UST: variants seen among roughly 807,000 people sequenced by gnomAD.
UST encodes chondroitin sulfate 2-O-sulfotransferase.
UST carries 21 observed loss-of-function variants against 45.6 expected under a neutral mutation model. That is an observed-to-expected ratio of 0.46 (90% CI 0.33 to 0.66). UST has a LOEUF of 0.66. Among genes scored for constraint, UST ranks in the 30% least tolerant of loss-of-function variants. The pLI, the probability that UST is intolerant of heterozygous loss-of-function variation, is 0.02. For missense variants in UST, 463 were observed against 512.4 expected, an observed-to-expected ratio of 0.90 and a Z score of 0.93; for synonymous variants, 215 against 200.6, an observed-to-expected ratio of 1.07 and a Z score of -0.61.
chr6:149,065,773 A>C (rs1776721692), intron 7 of UST, among the ~76,000 whole-genome samples: 1 of 152,222 alleles, frequency 6.6e-6, no homozygotes, highest in Non-Finnish European at 1.5e-5. Context: ...GTTGAATCTG[A>C]GTCTCTGTTT....
At chr6:148,793,343 A>G (rs770530383) in intron 1 of UST, among the ~76,000 whole-genome samples, 1 of 152,214 alleles carries the variant, frequency 6.6e-6, no homozygotes, top group African/African-American at 2.4e-5. Context: ...TACGCAAATC[A>G]TAAGTGACAG....
At chr6:148,875,086 T>C (rs1252606636) in intron 1 of UST, among the ~76,000 whole-genome samples, 7 of 152,250 alleles carry the variant, frequency 4.6e-5, no homozygotes, top group Admixed American at 4.6e-4. Context: ...GAAAAGGACC[T>C]GTGGAAGAAA....
At chr6:149,066,838 G>T (rs1776736553) in intron 7 of UST, among the ~76,000 whole-genome samples, 1 of 152,132 alleles carries the variant, frequency 6.6e-6, no homozygotes, top group African/African-American at 2.4e-5. Context: ...TACTCAGGAG[G>T]TTGAGGGGAG....
At chr6:148,780,195 C>T (rs1054350675) in intron 1 of UST, among the ~76,000 whole-genome samples, 2 of 151,960 alleles carry the variant, frequency 1.3e-5, no homozygotes, top group African/African-American at 4.8e-5. Context: ...TTGTACTTCA[C>T]AGATAATGCA....
intron 1 of UST, among the ~76,000 whole-genome samples, chr6:148,849,427 C>T (rs781371464): frequency 2.1e-4 from 32 of 152,116 alleles, no homozygotes; most frequent in Non-Finnish European, 4.4e-4. Context: ...TTTGGAAACT[C>T]CTTTTGCCAC....
chr6:148,803,729 G>A (rs1345537597), intron 1 of UST, among the ~76,000 whole-genome samples: 1 of 152,180 alleles, frequency 6.6e-6, no homozygotes, highest in African/African-American at 2.4e-5. Flanking sequence ...CAGTGTGGCT[G>A]AGGAGGCCCT....
Position 149,019,195 on chromosome 6 carries a change from T to G in UST, c.738T>G (p.Phe246Leu). ...CCGAGTGCTCCAACCCCAGGTTATT[T>G]TACATCATTCCGTACTTTTGTGGAC... ...NYPECSNPRL[F>L]YIIPYFCGQH... is the part of the protein sequence containing the mutation. Residue 246 changes from phenylalanine (F) to leucine (L), a missense_variant, in exon 6 of 8, where the codon TTT becomes TTG. Physicochemically the swap from Phe to Leu is conservative, Grantham distance 22. Around this residue, in one of 2 missense-constraint regions of UST, gnomAD observed 287 missense variants for 374.2 expected, o/e 0.77. Coordinates refer to ENST00000367463, the MANE Select transcript of UST (RefSeq NM_005715.3). 1.2e-6 allele frequency: 2 copies of G among 1,614,136 alleles called. No homozygotes were observed. The highest frequency in any genetic ancestry group is 1.7e-6 in the Non-Finnish European group (2 of 1,180,014).
In UST at chr6:149,076,090, T is replaced by G. The variant is rs1158561687; in HGVS notation, c.*1974T>G. 1 of 152,638 alleles carries G rather than the reference T, an allele frequency of 6.6e-6. No homozygotes were observed. Among genetic ancestry groups the G allele is most frequent in the Non-Finnish European group, 1.5e-5 (1 of 68,170 alleles). The allele number at this position is 152,638 out of a possible 1,614,324, so 9.5% of individuals were successfully genotyped here. Reference sequence around the variant, plus strand: ...GCCGCTCATGGGCCTTCTTTCTGCCTCAGAGGACGGGGGCAGAGAAGTGAT... The same window carrying G: ...GCCGCTCATGGGCCTTCTTTCTGCCGCAGAGGACGGGGGCAGAGAAGTGAT... On this transcript the variant is annotated 3_prime_UTR_variant, in exon 8 of 8. Coordinates refer to ENST00000367463, the MANE Select transcript of UST (RefSeq NM_005715.3).
At chr6:148,900,992 T>G (rs1343322746) in intron 2 of UST, among the ~76,000 whole-genome samples, 7 of 152,240 alleles carry the variant, frequency 4.6e-5, no homozygotes, top group Non-Finnish European at 1.0e-4. Flanking sequence ...CCTTAATTTA[T>G]CAGGACCCTT....
chr6:148,763,502 CTTTAG>C (rs1776260338), intron 1 of UST, among the ~76,000 whole-genome samples: 1 of 152,110 alleles, frequency 6.6e-6, no homozygotes. Flanking sequence ...TACAGAAGCT[CTTTAG>C]TTTAATTAAG....
intron 1 of UST, among the ~76,000 whole-genome samples, chr6:148,755,695 G>A (rs1166776939): frequency 1.3e-5 from 2 of 149,960 alleles, no homozygotes; most frequent in Non-Finnish European, 3.0e-5. Flanking sequence ...CTGGATTACT[G>A]GGGTCCAGTA....
intron 3 of UST, among the ~76,000 whole-genome samples, chr6:148,952,897 T>TC: frequency 6.6e-6 from 1 of 152,198 alleles, no homozygotes; most frequent in East Asian, 1.9e-4. Flanking sequence ...AGTTAGGGAG[T>TC]CATAAGAATG....
chr6:148,817,729 A>G (rs1777382630), intron 1 of UST, among the ~76,000 whole-genome samples: 1 of 152,172 alleles, frequency 6.6e-6, no homozygotes, highest in African/African-American at 2.4e-5. Flanking sequence ...TTCAGAGATA[A>G]TAGGTTGTAA....
intron 1 of UST, among the ~76,000 whole-genome samples, chr6:148,767,804 C>T (rs1044176693): frequency 1.2e-4 from 19 of 152,312 alleles, no homozygotes; most frequent in African/African-American, 4.6e-4. Flanking sequence ...CATGCTTCCT[C>T]CACTCTGTAG....
At chr6:148,775,747 C>A (rs1776521643) in intron 1 of UST, among the ~76,000 whole-genome samples, 1 of 152,042 alleles carries the variant, frequency 6.6e-6, no homozygotes, top group South Asian at 2.1e-4. Flanking sequence ...CCTGCCTCAG[C>A]CTCCCGAGTA....
chr6:148,811,572 C>T (rs2114730678), intron 1 of UST, among the ~76,000 whole-genome samples: 1 of 152,310 alleles, frequency 6.6e-6, no homozygotes, highest in South Asian at 2.1e-4. Context: ...TTATTTTGTT[C>T]ACAGCTTTGT....
At chr6:149,001,685 C>A (rs1001037007) in intron 5 of UST, among the ~76,000 whole-genome samples, 2 of 152,048 alleles carry the variant, frequency 1.3e-5, no homozygotes, top group South Asian at 2.1e-4. Flanking sequence ...TTACTGAGTT[C>A]ATTAAAAGCA....
chr6:148,789,426 ATCTC>A lies in UST; in HGVS notation c.247+41774_247+41777del, dbSNP rs751939500. On this transcript the variant is annotated intron_variant, in intron 1 of 7. Coordinates refer to ENST00000367463, the MANE Select transcript of UST (RefSeq NM_005715.3). ...GCAAGGATCTAGAGTTCTTGTGCAG[ATCTC>A]TCTCTCTCTCTCTCTCTCTCTCTCA... Among the ~76,000 whole-genome samples, 612 of 143,568 alleles carry A rather than the reference ATCTC, an allele frequency of 4.3e-3. 2 individuals carry two copies. The highest frequency in any genetic ancestry group is 9.8e-3 in the African/African-American group (377 of 38,544). 94.2% of individuals were successfully genotyped at this position (143,568 alleles called of 152,430 possible).
chr6:148,755,053 T>C (rs1333897571), intron 1 of UST, among the ~76,000 whole-genome samples: 1 of 152,236 alleles, frequency 6.6e-6, no homozygotes, highest in Non-Finnish European at 1.5e-5. Context: ...AATATGAATT[T>C]AGCTAATTTT....
Sources: gnomAD v4.1 joint callset for allele counts (sites outside exome capture counted in the v4.1 genomes callset) on GRCh38, gnomAD v4.1.1 for gene constraint, gnomAD v4.1.1 regional missense constraint, MANE v1.5 for transcripts, NCBI Gene and HGNC (gene_info 2026-07-23, HGNC 2026-07-21) for gene names.